TMEM163: variants seen among roughly 807,000 people sequenced by gnomAD.
TMEM163 encodes the protein transmembrane protein 163.
TMEM163 carries 17 observed loss-of-function variants against 29.3 expected under a neutral mutation model. The observed-to-expected ratio is 0.58, with a 90% CI of 0.40 to 0.87. The LOEUF is 0.87. TMEM163 is among the 40% of genes least tolerant of loss of function. The pLI, the probability that TMEM163 is intolerant of heterozygous loss-of-function variation, is 0.00. For missense variants in TMEM163, 303 were observed against 381.5 expected (o/e 0.79, Z 1.71); for synonymous variants, 157 against 160.6 (o/e 0.98, Z 0.17).
At chr2:134,674,492 C>T (rs1684064663) in intron 2 of TMEM163, among the ~76,000 whole-genome samples, 1 of 82,520 alleles carries the variant, frequency 1.2e-5, no homozygotes, top group East Asian at 2.3e-4. Context: ...TACAGGCGCG[C>T]GCGCGCGCGC....
rs887411141 is a variant in TMEM163, at chr2:134,552,054, C to T, written c.360G>A (p.Gly120=). 1 of 1,613,084 alleles carries T rather than the reference C, an allele frequency of 6.2e-7. No individual in the cohort carries two copies. Among genetic ancestry groups the T allele is most frequent in the African/African-American group, 1.3e-5 (1 of 74,804 alleles). The stretch of plus-strand genomic sequence containing the variant: ...TACATTTCAGGTTACTTACTGCAAA[C>T]CCAAAAGCAGAGGCGCTGTACCTCA... ...SVMRYSASAF[G]FAFDAILDVL... Residue 120 remains glycine (G), a synonymous_variant, in exon 3 of 8, where the codon GGG becomes GGA. Transcript: ENST00000281924.
intron 2 of TMEM163, among the ~76,000 whole-genome samples, chr2:134,624,841 C>A (rs557674029): frequency 1.8e-4 from 27 of 149,072 alleles, no homozygotes; most frequent in African/African-American, 5.9e-4. Context: ...CCCAAGGAGG[C>A]GGAGGTTGCT....
chr2:134,596,581 G>C (rs1375360364), intron 2 of TMEM163, among the ~76,000 whole-genome samples: 1 of 152,216 alleles, frequency 6.6e-6, no homozygotes, highest in Non-Finnish European at 1.5e-5. Context: ...GCTTAGGATT[G>C]ACTTGGCAAT....
intron 2 of TMEM163, among the ~76,000 whole-genome samples, chr2:134,660,523 CT>C (rs980777512): frequency 6.6e-6 from 1 of 152,182 alleles, no homozygotes; most frequent in African/African-American, 2.4e-5. Context: ...TGAAAGGAAA[CT>C]TTTTTTGAAC....
At chr2:134,524,035 C>G (rs937544671) in intron 4 of TMEM163, among the ~76,000 whole-genome samples, 3 of 152,166 alleles carry the variant, frequency 2.0e-5, no homozygotes, top group African/African-American at 7.2e-5. Context: ...CTGTTCTACT[C>G]CAATATTTTA....
At chr2:134,707,467 T>A (rs1458268734) in intron 2 of TMEM163, among the ~76,000 whole-genome samples, 1 of 152,196 alleles carries the variant, frequency 6.6e-6, no homozygotes, top group Non-Finnish European at 1.5e-5. Context: ...ATTTTTATCT[T>A]GTGTACATTC....
intron 2 of TMEM163, among the ~76,000 whole-genome samples, chr2:134,568,432 C>G (rs1681344068): frequency 2.0e-5 from 3 of 151,946 alleles, no homozygotes; most frequent in African/African-American, 7.3e-5. Flanking sequence ...GAGGCTGAGA[C>G]AGGAGGATTG....
At chr2:134,551,242 A>ATG (rs1404702803) in intron 3 of TMEM163, among the ~76,000 whole-genome samples, 1 of 151,594 alleles carries the variant, frequency 6.6e-6, no homozygotes, top group Non-Finnish European at 1.5e-5. Flanking sequence ...GTGTGTATGC[A>ATG]TGTGTGTGTG....
At chr2:134,548,288 A>G (rs145699008) in intron 4 of TMEM163, among the ~76,000 whole-genome samples, 1 of 152,222 alleles carries the variant, frequency 6.6e-6, no homozygotes, top group East Asian at 1.9e-4. Context: ...TGTAATGAAC[A>G]TTTTTTTAAC....
At chr2:134,495,930 T>C (rs1679545214) in intron 5 of TMEM163, among the ~76,000 whole-genome samples, 1 of 152,224 alleles carries the variant, frequency 6.6e-6, no homozygotes, top group Admixed American at 6.5e-5. Flanking sequence ...AAGCCCACTA[T>C]TCTGCCATTG....
chr2:134,543,185 T>A (rs893004944), intron 4 of TMEM163, among the ~76,000 whole-genome samples: 26 of 152,246 alleles, frequency 1.7e-4, no homozygotes, highest in African/African-American at 6.0e-4. Flanking sequence ...CATAACCCAG[T>A]AGTGTCATGT....
chr2:134,681,218 C>T (rs572012922), intron 2 of TMEM163, among the ~76,000 whole-genome samples: 1 of 152,318 alleles, frequency 6.6e-6, no homozygotes, highest in Non-Finnish European at 1.5e-5. Flanking sequence ...AAAGGGTCAC[C>T]GTGGCCATCT....
chr2:134,658,347 A>G (rs912288374), intron 2 of TMEM163, among the ~76,000 whole-genome samples: 3 of 152,230 alleles, frequency 2.0e-5, no homozygotes, highest in Non-Finnish European at 4.4e-5. Flanking sequence ...AAGCGACATG[A>G]AAGGCCTTTG....
intron 2 of TMEM163, among the ~76,000 whole-genome samples, chr2:134,605,212 A>G (rs1040215733): frequency 1.3e-5 from 2 of 150,834 alleles, no homozygotes; most frequent in Non-Finnish European, 3.0e-5. Context: ...ATCTTCATCC[A>G]CTGCTGGCTC....
intron 6 of TMEM163, among the ~76,000 whole-genome samples, chr2:134,463,543 G>A (rs112986124): frequency 1.8e-4 from 27 of 152,290 alleles, no homozygotes; most frequent in African/African-American, 5.8e-4. Context: ...ATAATTCTAC[G>A]ATGTCTCAGT....
chr2:134,627,027 G>C (rs1682867759), intron 2 of TMEM163, among the ~76,000 whole-genome samples: 1 of 152,144 alleles, frequency 6.6e-6, no homozygotes, highest in South Asian at 2.1e-4. Flanking sequence ...TGCCAACACA[G>C]AATATTATAC....
intron 5 of TMEM163, among the ~76,000 whole-genome samples, chr2:134,483,352 A>G (rs1257680014): frequency 6.6e-6 from 1 of 152,128 alleles, no homozygotes; most frequent in Non-Finnish European, 1.5e-5. Context: ...GCCCCTCGCA[A>G]CACAGAGGCA....
At chr2:134,570,852 G>A (rs1681405271) in intron 2 of TMEM163, among the ~76,000 whole-genome samples, 1 of 152,124 alleles carries the variant, frequency 6.6e-6, no homozygotes, top group African/African-American at 2.4e-5. Flanking sequence ...TGACATAGAG[G>A]AGAGAAGAGA....
intron 2 of TMEM163, among the ~76,000 whole-genome samples, chr2:134,609,881 G>T (rs1023437459): frequency 2.6e-5 from 4 of 151,710 alleles, no homozygotes; most frequent in Non-Finnish European, 4.4e-5. Flanking sequence ...CTGTACTGGT[G>T]AAAAGGAGGA....
Sources: gnomAD v4.1 joint callset for allele counts (sites outside exome capture counted in the v4.1 genomes callset) on GRCh38, gnomAD v4.1.1 for gene constraint, MANE v1.5 for transcripts, NCBI Gene and HGNC (gene_info 2026-07-23, HGNC 2026-07-21) for gene names.